OVCH1: variants seen among roughly 807,000 people sequenced by gnomAD.
The protein encoded by OVCH1 is ovochymase-1.
A neutral mutation model predicts 138.4 loss-of-function variants in OVCH1; 139 were observed. The ratio of observed to expected loss-of-function variants is 1.00; its 90% CI spans 0.87 to 1.16. The LOEUF (loss-of-function observed/expected upper bound fraction) is 1.16. Ranked by LOEUF, OVCH1 falls within the 50% of genes most tolerant of loss-of-function variation. The probability of loss-of-function intolerance (pLI) is 0.00; values close to 1 mark genes in which losing one functional copy is unlikely to be tolerated. For missense variants in OVCH1, 1,367 were observed against 1,357.9 expected, an observed-to-expected ratio of 1.01 and a Z score of -0.11; for synonymous variants, 453 against 467.8, an observed-to-expected ratio of 0.97 and a Z score of 0.41.
At chr12:29,476,149 T>C (rs1942703555) in intron 13 of OVCH1, 57 bp downstream of exon 13, 3 of 1,400,386 alleles carry the variant, frequency 2.1e-6, no homozygotes, top group African/African-American at 2.8e-5. Flanking sequence ...CCAGCCCATG[T>C]TGCCACTACT....
At chr12:29,411,033 C>A (rs55715147), downstream of OVCH1, among the ~76,000 whole-genome samples, 1 of 146,674 alleles carries the variant, frequency 6.8e-6, no homozygotes, top group Non-Finnish European at 1.5e-5. Flanking sequence ...CTAAACTTCC[C>A]GTCTCACTTC....
chr12:29,474,980 TG>T, intron 14 of OVCH1, 80 bp downstream of exon 14: 1 of 1,437,352 alleles, frequency 7.0e-7, no homozygotes, highest in Non-Finnish European at 9.4e-7. Context: ...TATACTACAT[TG>T]AGGTAAACAT....
Position 29,473,013 on chromosome 12 carries a change from C to T in OVCH1, c.1675+16G>A. The T allele has an allele frequency of 1.3e-6, 2 of 1,592,446 alleles. No individual in the cohort carries two copies. Among genetic ancestry groups the T allele is most frequent in the South Asian group, 1.1e-5 (1 of 88,956 alleles). On this transcript the variant is annotated intron_variant, in intron 15 of 27. Coordinates refer to ENST00000318184, the Ensembl canonical transcript of OVCH1. The stretch of plus-strand genomic sequence containing the variant: ...AACAAGATTAAACAGATAGTAATAA[C>T]ATGTCACCAACTCACCATGCAGAAT...
rs1177478578 is a variant in OVCH1 at position 29,449,322 on chromosome 12, CAACCTT to C, written c.2755+2017_2755+2022del. ...ACACACACACACACACACACACACT[CAACCTT>C]AAGTATATTCGCTTTCTCAATTCAA... On this transcript the variant is annotated intron_variant, in intron 22 of 27. Transcript: ENST00000318184. 1.6e-4 allele frequency among the ~76,000 whole-genome samples: 23 copies of C among 147,682 alleles called. No homozygotes were observed. The East Asian group carries it at 4.7e-3, about 30-fold the overall frequency.
intron 16 of OVCH1, among the ~76,000 whole-genome samples, chr12:29,470,053 G>A (rs1400426209): frequency 6.6e-6 from 1 of 152,134 alleles, no homozygotes; most frequent in Non-Finnish European, 1.5e-5. Context: ...AGGTATTACG[G>A]AGATGAAGTA....
intron 4 of OVCH1, among the ~76,000 whole-genome samples, 173 bp downstream of exon 4, chr12:29,495,112 G>A (rs1592124244): frequency 1.3e-5 from 2 of 152,152 alleles, no homozygotes; most frequent in Non-Finnish European, 2.9e-5. Context: ...GCTGGGACAT[G>A]TAGCCTATAC....
chr12:29,476,342 G>C lies in OVCH1; in HGVS notation c.1378-43C>G, dbSNP rs1318145037. ...TAACCAGGGAAATGGTCAAAGAAGA[G>C]AAGAGAGAAGCTTAAAGGGTTTTCC... On this transcript the variant is annotated intron_variant, in intron 12 of 27. Transcript: ENST00000318184. 7 of 1,481,822 alleles carry C rather than the reference G, an allele frequency of 4.7e-6. No individual in the cohort carries two copies. In the Admixed American group the frequency reaches 5.0e-5, roughly 11 times the overall value. The allele number at this position is 1,481,822 out of a possible 1,614,324, so 91.8% of individuals were successfully genotyped here.
intron 26 of OVCH1, among the ~76,000 whole-genome samples, chr12:29,436,505 C>T (rs1407006094): frequency 6.6e-6 from 1 of 152,222 alleles, no homozygotes; most frequent in Non-Finnish European, 1.5e-5. Flanking sequence ...TCACTCAGCT[C>T]ATTTTGTGTC....
At chr12:29,436,794 G>A (rs1941369603) in intron 26 of OVCH1, among the ~76,000 whole-genome samples, 1 of 152,192 alleles carries the variant, frequency 6.6e-6, no homozygotes, top group South Asian at 2.1e-4. Flanking sequence ...CTTCAGGAGT[G>A]AAGCTGCAGA....
At chr12:29,422,766 T>C (rs941165211), downstream of OVCH1, among the ~76,000 whole-genome samples, 6 of 152,168 alleles carry the variant, frequency 3.9e-5, no homozygotes, top group Non-Finnish European at 4.4e-5. Context: ...CTGGGAACTT[T>C]ATGAGGGTGA....
At chr12:29,421,385 T>C (rs928283917) in intron 3 of OVCH1, among the ~76,000 whole-genome samples, 2 of 152,224 alleles carry the variant, frequency 1.3e-5, no homozygotes, top group African/African-American at 2.4e-5. Flanking sequence ...AGGCATTTCT[T>C]AGGTTCAAAA....
At chr12:29,415,448 G>T (rs891592621) in intron 3 of OVCH1, among the ~76,000 whole-genome samples, 1 of 152,068 alleles carries the variant, frequency 6.6e-6, no homozygotes, top group Non-Finnish European at 1.5e-5. Flanking sequence ...AAATTTCCAC[G>T]AGAAATTTAT....
intron 7 of OVCH1, chr12:29,486,759 A>C: frequency 3.0e-6 from 1 of 333,808 alleles, no homozygotes; most frequent in Non-Finnish European, 6.0e-6. Context: ...TAAATCACTT[A>C]TCATGTTCTG....
intron 4 of OVCH1, among the ~76,000 whole-genome samples, chr12:29,494,663 G>C (rs986378699): frequency 6.6e-6 from 1 of 152,156 alleles, no homozygotes; most frequent in East Asian, 1.9e-4. Flanking sequence ...CTTGTCATTT[G>C]TAACAACACA....
downstream of OVCH1, chr12:29,423,053 C>T (rs1045091730): frequency 6.0e-6 from 2 of 335,976 alleles, no homozygotes; most frequent in Non-Finnish European, 1.2e-5. Flanking sequence ...GACCCTTAAA[C>T]CAATGGGCTG....
chr12:29,410,670 C>T (rs1011129771), downstream of OVCH1, among the ~76,000 whole-genome samples: 16 of 151,276 alleles, frequency 1.1e-4, no homozygotes, highest in African/African-American at 2.4e-4. Context: ...GAGTTTCTGC[C>T]GAGAGATCAT....
chr12:29,411,397 A>G (rs1163326679), downstream of OVCH1, among the ~76,000 whole-genome samples: 3 of 151,360 alleles, frequency 2.0e-5, no homozygotes, highest in African/African-American at 7.3e-5. Context: ...TAGAGTTTCC[A>G]GTTTTTCTGC....
chr12:29,469,890 G>A (rs1942445527), intron 16 of OVCH1, among the ~76,000 whole-genome samples: 1 of 152,108 alleles, frequency 6.6e-6, no homozygotes. Context: ...GGGTCAGGGA[G>A]GCAGGGAGTG....
chr12:29,443,745 ATT>A (rs1290123682), intron 24 of OVCH1, among the ~76,000 whole-genome samples: 1 of 152,068 alleles, frequency 6.6e-6, no homozygotes, highest in African/African-American at 2.4e-5. Flanking sequence ...AATTGTGTGT[ATT>A]GTTTTAAATT....
Sources: gnomAD v4.1 joint callset for allele counts (sites outside exome capture counted in the v4.1 genomes callset) on GRCh38, gnomAD v4.1.1 for gene constraint, MANE v1.5 for transcripts, NCBI Gene and HGNC (gene_info 2026-07-23, HGNC 2026-07-21) for gene names.